NDST4: variants seen among roughly 807,000 people sequenced by gnomAD.
NDST4 encodes N-heparan sulfate sulfotransferase 4.
NDST4 carries 63 observed loss-of-function variants against 100.8 expected under a neutral mutation model. That is an observed-to-expected ratio of 0.62 (90% confidence interval 0.51 to 0.77). The LOEUF (loss-of-function observed/expected upper bound fraction) is 0.77, where lower values mean the gene tolerates loss of function less well. Ranked by LOEUF, NDST4 falls within the 30% of genes least tolerant of loss-of-function variation. NDST4 has a pLI of 0.00. For synonymous variants in NDST4, 377 were observed against 361.8 expected (o/e 1.04, Z -0.48); for missense variants, 943 against 1,018.4 (o/e 0.93, Z 1.01).
chr4:115,065,381 C>T (rs568284642), intron 2 of NDST4, among the ~76,000 whole-genome samples: 2 of 152,176 alleles, frequency 1.3e-5, no homozygotes, highest in Non-Finnish European at 2.9e-5. Flanking sequence ...AAGCCCTTGT[C>T]GTTTAAAAGA....
intron 4 of NDST4, among the ~76,000 whole-genome samples, chr4:114,963,367 C>T (rs537913319): frequency 6.6e-5 from 10 of 152,216 alleles, no homozygotes; most frequent in African/African-American, 9.6e-5. Flanking sequence ...TTATATCCCA[C>T]GTCCAGTATA....
chr4:115,033,707 A>T (rs1464508399), intron 2 of NDST4, among the ~76,000 whole-genome samples: 1 of 152,100 alleles, frequency 6.6e-6, no homozygotes, highest in Non-Finnish European at 1.5e-5. Context: ...AGACTGCACA[A>T]TATAAACCAT....
intron 8 of NDST4, among the ~76,000 whole-genome samples, chr4:114,852,366 GT>G: frequency 6.6e-6 from 1 of 152,080 alleles, no homozygotes; most frequent in East Asian, 1.9e-4. Context: ...GCCAAAACAT[GT>G]TTTTATAAAT....
rs137908610 is a variant in NDST4, at chr4:114,972,113, G to A, written c.1067-1529C>T. ...ACACTGTTTTAGAAACTTTGCCTGC[G>A]TAGATTATAAATTTCTTACAGTCAG... On this transcript the variant is annotated intron_variant, in intron 3 of 13. Transcript: ENST00000264363. Among the ~76,000 whole-genome samples the A allele has an allele frequency of 3.6e-4, 54 of 152,026 alleles. No homozygotes were observed. In the East Asian group the frequency reaches 8.7e-3, roughly 24 times the overall value.
chr4:115,096,271 T>A (rs1231807536), intron 1 of NDST4, among the ~76,000 whole-genome samples: 1 of 150,600 alleles, frequency 6.6e-6, no homozygotes, highest in Non-Finnish European at 1.5e-5. Context: ...ATTCTGATAA[T>A]GGATAGAACA....
chr4:114,850,728 C>T (rs1360021131), intron 8 of NDST4, among the ~76,000 whole-genome samples: 1 of 152,086 alleles, frequency 6.6e-6, no homozygotes, highest in African/African-American at 2.4e-5. Context: ...ACAGTGTGAA[C>T]ACTGATCTTC....
chr4:114,941,853 A>G (rs1725758008), intron 4 of NDST4, among the ~76,000 whole-genome samples: 1 of 152,214 alleles, frequency 6.6e-6, no homozygotes, highest in Non-Finnish European at 1.5e-5. Flanking sequence ...CTTGTTTAAA[A>G]TAACTTAAAG....
chr4:115,099,789 C>T (rs181637398), intron 1 of NDST4, among the ~76,000 whole-genome samples: 1 of 152,188 alleles, frequency 6.6e-6, no homozygotes, highest in East Asian at 1.9e-4. Flanking sequence ...GTCATATTAT[C>T]CAGCAATCAT....
chr4:114,879,460 C>T (rs1238884456), intron 6 of NDST4, among the ~76,000 whole-genome samples: 1 of 152,068 alleles, frequency 6.6e-6, no homozygotes, highest in African/African-American at 2.4e-5. Flanking sequence ...CTCTACACAC[C>T]TAAATCAAAG....
chr4:114,972,758 T>C (rs949319311), intron 3 of NDST4, among the ~76,000 whole-genome samples: 2 of 152,006 alleles, frequency 1.3e-5, no homozygotes, highest in Non-Finnish European at 2.9e-5. Context: ...TCCATTCATT[T>C]TAAACTCTGC....
intron 7 of NDST4, among the ~76,000 whole-genome samples, chr4:114,856,996 G>A (rs1284396631): frequency 6.6e-6 from 1 of 152,200 alleles, no homozygotes; most frequent in Non-Finnish European, 1.5e-5. Flanking sequence ...ATAGCTTCAA[G>A]TTTAGGATGG....
chr4:114,838,535 G>A (rs1033782689), intron 11 of NDST4, among the ~76,000 whole-genome samples: 36 of 152,088 alleles, frequency 2.4e-4, no homozygotes, highest in African/African-American at 8.7e-4. Context: ...GGATGAAGCT[G>A]GAAACCATCA....
At chr4:114,857,580 C>T (rs953767815) in intron 7 of NDST4, among the ~76,000 whole-genome samples, 3 of 152,154 alleles carry the variant, frequency 2.0e-5, no homozygotes, top group South Asian at 4.1e-4. Context: ...GATGGGCTAA[C>T]CCATATGTTA....
chr4:115,051,531 T>C (rs1728583205), intron 2 of NDST4, among the ~76,000 whole-genome samples: 1 of 152,140 alleles, frequency 6.6e-6, no homozygotes, highest in Non-Finnish European at 1.5e-5. Flanking sequence ...TTTCTGTGCT[T>C]GGCTTATTTC....
intron 2 of NDST4, among the ~76,000 whole-genome samples, chr4:115,026,662 C>T (rs1727992243): frequency 6.6e-6 from 1 of 150,512 alleles, no homozygotes; most frequent in Non-Finnish European, 1.5e-5. Context: ...TCAACATTTC[C>T]CCATCATTTT....
At chr4:115,084,849 T>C (rs931603332) in intron 1 of NDST4, among the ~76,000 whole-genome samples, 1 of 141,142 alleles carries the variant, frequency 7.1e-6, no homozygotes, top group African/African-American at 2.8e-5. Flanking sequence ...TCTAGGACAG[T>C]GTGGAAGGGA....
intron 7 of NDST4, 80 bp downstream of exon 7, chr4:114,870,688 C>T (rs1724128548): frequency 2.5e-6 from 3 of 1,205,242 alleles, no homozygotes; most frequent in Admixed American, 2.5e-5. Flanking sequence ...ATATGTCCAG[C>T]AGAGTGCCTA....
intron 2 of NDST4, among the ~76,000 whole-genome samples, chr4:114,981,270 A>G (rs550881288): frequency 1.8e-4 from 27 of 146,690 alleles, no homozygotes; most frequent in Non-Finnish European, 3.0e-4. Context: ...AGGAAGGAAG[A>G]AAGCAGGAAA....
intron 11 of NDST4, among the ~76,000 whole-genome samples, chr4:114,835,869 C>T (rs1292449956): frequency 6.6e-6 from 1 of 151,926 alleles, no homozygotes; most frequent in Admixed American, 6.6e-5. Flanking sequence ...TATTTAATGC[C>T]CTTCTTTGTC....
Sources: allele counts gnomAD v4.1 joint callset (sites outside exome capture counted in the v4.1 genomes callset), GRCh38; gene constraint gnomAD v4.1.1; transcripts MANE v1.5; gene names NCBI Gene and HGNC (gene_info 2026-07-23, HGNC 2026-07-21).